The following AEBP2 variants were observed in gnomAD, a reference collection of about 807,000 sequenced individuals.
AEBP2 encodes AE binding protein 2.
Under a neutral mutation model 50.8 loss-of-function variants are expected in AEBP2, and 10 were observed. That is an observed-to-expected ratio of 0.20 (90% CI 0.12 to 0.33). AEBP2 has a LOEUF of 0.33. AEBP2 is among the 10% of genes least tolerant of loss of function. The probability of loss-of-function intolerance (pLI) is 1.00; values close to 1 mark genes in which losing one functional copy is unlikely to be tolerated. For synonymous variants in AEBP2, 296 were observed against 261.3 expected (o/e 1.13, Z -1.28); for missense variants, 570 against 688.0 (o/e 0.83, Z 1.92).
chr12:19,426,842 A>G (rs911791532), intron 1 of AEBP2, among the ~76,000 whole-genome samples: 2 of 152,090 alleles, frequency 1.3e-5, no homozygotes, highest in Non-Finnish European at 2.9e-5. Context: ...CGGAGGTTGC[A>G]GTGGGCCAAG....
At chr12:19,475,405 CCTT>C (rs1948632924) in intron 3 of AEBP2, among the ~76,000 whole-genome samples, 1 of 151,970 alleles carries the variant, frequency 6.6e-6, no homozygotes, top group South Asian at 2.1e-4. Flanking sequence ...ATATTTTGTT[CCTT>C]CTTATGGCTT....
Position 19,440,343 on chromosome 12 carries a change from C to G in AEBP2, c.644C>G (p.Pro215Arg). ...GSLEMSSDGE[P>R]LSRMDSEDSI... ...TTGGAGATGTCGTCGGATGGGGAAC[C>G]CCTGAGCCGCATGGACTCGGAGGAC... Residue 215 changes from proline to arginine, a missense_variant, in exon 1 of 8, where the codon CCC (proline) becomes CGC (arginine). By Grantham distance (103) the Pro-to-Arg change is moderately radical (BLOSUM62 -2). Coordinates refer to ENST00000266508, the MANE Select transcript of AEBP2 (RefSeq NM_153207.5). 1 of 1,470,568 alleles carries G rather than the reference C, an allele frequency of 6.8e-7. No homozygotes were observed. The highest frequency in any genetic ancestry group is 8.9e-7 in the Non-Finnish European group (1 of 1,118,610). 91.1% of individuals were successfully genotyped at this position (1,470,568 alleles called of 1,614,324 possible). A position where few individuals can be genotyped will look rare whatever the true frequency, so the allele number is the denominator to read the frequency against.
intron 1 of AEBP2, among the ~76,000 whole-genome samples, chr12:19,426,955 G>A (rs1031757831): frequency 1.3e-5 from 2 of 152,088 alleles, no homozygotes; most frequent in Middle Eastern, 3.2e-3. Flanking sequence ...GACGTTTCTG[G>A]AAGAGATTAG....
chr12:19,518,014 T>C, intron 7 of AEBP2, 73 bp from the exon 8 acceptor site: 1 of 1,364,016 alleles, frequency 7.3e-7, no homozygotes, highest in South Asian at 1.4e-5. Flanking sequence ...TATTAATATT[T>C]TTAATGTCTC....
chr12:19,433,046 C>T (rs1237325336), intron 1 of AEBP2, among the ~76,000 whole-genome samples: 1 of 152,016 alleles, frequency 6.6e-6, no homozygotes, highest in Non-Finnish European at 1.5e-5. Flanking sequence ...AAAAAAAGAA[C>T]TGTAGAACAG....
At chr12:19,467,540 C>T (rs113684964) in intron 2 of AEBP2, among the ~76,000 whole-genome samples, 13 of 151,926 alleles carry the variant, frequency 8.6e-5, no homozygotes, top group South Asian at 2.1e-4. Context: ...GTGATCCACC[C>T]GCCTCTGGCT....
At chr12:19,421,311 TCC>T (rs908093740) in intron 1 of AEBP2, among the ~76,000 whole-genome samples, 1 of 115,678 alleles carries the variant, frequency 8.6e-6, no homozygotes, top group African/African-American at 3.4e-5. Flanking sequence ...ACTACTGTAC[TCC>T]CCGCCTGGGT....
At chr12:19,473,492 A>G (rs1473800695) in intron 3 of AEBP2, 137 bp downstream of exon 3, 1 of 256,306 alleles carries the variant, frequency 3.9e-6, no homozygotes, top group African/African-American at 2.3e-5. Flanking sequence ...TGCAGCCTCC[A>G]CCTGCTGTGT....
intron 7 of AEBP2, among the ~76,000 whole-genome samples, chr12:19,516,337 G>A (rs1949317763): frequency 6.6e-6 from 1 of 152,148 alleles, no homozygotes; most frequent in South Asian, 2.1e-4. Flanking sequence ...TCCTAAAAGA[G>A]TGATATTTTG....
At chr12:19,408,657 T>A (rs1337057419) in intron 1 of AEBP2, among the ~76,000 whole-genome samples, 2 of 151,958 alleles carry the variant, frequency 1.3e-5, no homozygotes, top group African/African-American at 4.8e-5. Context: ...ATCCCAGCAC[T>A]TTGGGAGGCC....
chr12:19,423,782 A>T (rs2095747088), intron 1 of AEBP2, among the ~76,000 whole-genome samples: 1 of 152,214 alleles, frequency 6.6e-6, no homozygotes. Flanking sequence ...CGGAGGCTGC[A>T]GTGAGCCGAG....
intron 1 of AEBP2, among the ~76,000 whole-genome samples, chr12:19,450,842 CA>C (rs140232330): frequency 9.9e-4 from 136 of 137,024 alleles, no homozygotes; most frequent in South Asian, 1.7e-3. Flanking sequence ...GACATTGTCT[CA>C]AAAAAAAAAA....
chr12:19,464,666 A>C (rs1197088820), intron 2 of AEBP2, among the ~76,000 whole-genome samples: 1 of 151,414 alleles, frequency 6.6e-6, no homozygotes, highest in East Asian at 1.9e-4. Context: ...AGCTCACTGC[A>C]ACCTCTGCCT....
At chr12:19,452,065 A>AC (rs1948174152) in intron 1 of AEBP2, among the ~76,000 whole-genome samples, 1 of 151,920 alleles carries the variant, frequency 6.6e-6, no homozygotes, top group African/African-American at 2.4e-5. Flanking sequence ...TAATTTTTGT[A>AC]TTTTTAGTAG....
chr12:19,507,462 A>G (rs1949168283), intron 5 of AEBP2, among the ~76,000 whole-genome samples: 1 of 152,252 alleles, frequency 6.6e-6, no homozygotes, highest in South Asian at 2.1e-4. Flanking sequence ...AAATTTGCGC[A>G]GACTCAAAAT....
chr12:19,441,129 A>T (rs1947951494), intron 1 of AEBP2, among the ~76,000 whole-genome samples: 1 of 152,242 alleles, frequency 6.6e-6, no homozygotes, highest in South Asian at 2.1e-4. Context: ...TTGCGGCTTT[A>T]TAGTAATGTT....
intron 1 of AEBP2, among the ~76,000 whole-genome samples, chr12:19,461,579 G>A (rs552940567): frequency 6.6e-6 from 1 of 151,800 alleles, no homozygotes; most frequent in Non-Finnish European, 1.5e-5. Flanking sequence ...GTGCGATCTC[G>A]GCTCACTCCA....
chr12:19,410,087 G>T (rs967969653), intron 1 of AEBP2, among the ~76,000 whole-genome samples: 3 of 152,094 alleles, frequency 2.0e-5, no homozygotes, highest in Non-Finnish European at 4.4e-5. Context: ...GAACATGTAG[G>T]GCTTCTCTCT....
At chr12:19,494,393 G>A (rs1170916959) in intron 4 of AEBP2, among the ~76,000 whole-genome samples, 2 of 151,530 alleles carry the variant, frequency 1.3e-5, no homozygotes, top group Admixed American at 6.6e-5. Flanking sequence ...CCGTGATCGC[G>A]CCACCACACT....
Sources: allele counts gnomAD v4.1 joint callset (sites outside exome capture counted in the v4.1 genomes callset), GRCh38; gene constraint gnomAD v4.1.1; transcripts MANE v1.5; gene names NCBI Gene and HGNC (gene_info 2026-07-23, HGNC 2026-07-21).